The following ADAM22 variants were observed in gnomAD, a reference collection of about 807,000 sequenced individuals.
The protein encoded by ADAM22 is ADAM metallopeptidase domain 22.
Under a neutral mutation model 144.6 loss-of-function variants are expected in ADAM22, and 65 were observed. The observed-to-expected ratio is 0.45, with a 90% CI of 0.37 to 0.55. The LOEUF (loss-of-function observed/expected upper bound fraction) is 0.55, where lower values mean the gene tolerates loss of function less well. ADAM22 is among the 20% of genes least tolerant of loss of function. The pLI is 0.00. For missense variants in ADAM22, 974 were observed against 1,184.9 expected, an observed-to-expected ratio of 0.82 and a Z score of 2.61; for synonymous variants, 391 against 412.6, an observed-to-expected ratio of 0.95 and a Z score of 0.63.
At chr7:88,101,628 G>C (rs1327292626) in intron 4 of ADAM22, among the ~76,000 whole-genome samples, 1 of 152,094 alleles carries the variant, frequency 6.6e-6, no homozygotes, top group Non-Finnish European at 1.5e-5. Context: ...GCCCTTCCTT[G>C]ATATTCTTAT....
chr7:88,094,798 T>C (rs1820821761), intron 4 of ADAM22, among the ~76,000 whole-genome samples: 1 of 152,152 alleles, frequency 6.6e-6, no homozygotes, highest in African/African-American at 2.4e-5. Flanking sequence ...CTTCTTGAAT[T>C]GTGTTAACAA....
intron 30 of ADAM22, among the ~76,000 whole-genome samples, chr7:88,190,477 G>A (rs1849376495): frequency 6.6e-6 from 1 of 152,094 alleles, no homozygotes; most frequent in African/African-American, 2.4e-5. Context: ...AGAGGCTGTG[G>A]TGAGCTGAGA....
chr7:88,165,754 A>T, intron 23 of ADAM22, 78 bp from the exon 24 acceptor site: 1 of 953,806 alleles, frequency 1.0e-6, no homozygotes, highest in East Asian at 2.7e-5. Context: ...AGCATATAAT[A>T]ATAAGAAATT....
chr7:88,107,198 CTTT>C (rs561936408), intron 4 of ADAM22, among the ~76,000 whole-genome samples: 18 of 76,578 alleles, frequency 2.4e-4, no homozygotes, highest in African/African-American at 9.0e-4. Flanking sequence ...GATTGAATTT[CTTT>C]TTTTTTTTTT....
intron 4 of ADAM22, among the ~76,000 whole-genome samples, chr7:88,077,711 C>T (rs1218631777): frequency 6.6e-6 from 1 of 152,208 alleles, no homozygotes. Context: ...ACACCTGGCT[C>T]AGAGGGTCCT....
At chr7:88,151,056 GT>G (rs1838202640) in intron 19 of ADAM22, 25 bp downstream of exon 19, 1 of 1,605,616 alleles carries the variant, frequency 6.2e-7, no homozygotes, top group African/African-American at 1.3e-5. Context: ...TTTTACCTAT[GT>G]TTTTCACATG....
chr7:88,126,883 G>A (rs558263746), intron 8 of ADAM22, among the ~76,000 whole-genome samples: 1 of 151,998 alleles, frequency 6.6e-6, no homozygotes, highest in South Asian at 2.1e-4. Flanking sequence ...TTGAGCATAA[G>A]AGGATCAAGA....
rs1404080701 is a variant in ADAM22 at position 88,196,298 on chromosome 7, CAGAG to C, written c.2875-170_2875-167del. The stretch of plus-strand genomic sequence containing the variant: ...GGTTGAGACACAGGTTTTGAGGAAA[CAGAG>C]AGCTAAAAGTTGGAGTGTTTATTCT... On this transcript the variant is annotated intron_variant, in intron 31 of 31. Coordinates refer to ENST00000413139, the MANE Select transcript of ADAM22 (RefSeq NM_001324418.2). Among the ~76,000 whole-genome samples the C allele has an allele frequency of 3.3e-5, 5 of 152,128 alleles. 1 individual carries two copies. Among genetic ancestry groups the C allele is most frequent in the Admixed American group, 6.5e-5 (1 of 15,278 alleles).
chr7:88,066,858 C>A (rs1045789585), intron 3 of ADAM22, among the ~76,000 whole-genome samples: 2 of 152,044 alleles, frequency 1.3e-5, no homozygotes, highest in African/African-American at 4.8e-5. Context: ...GCTTATACAT[C>A]AAGTAAGATT....
chr7:88,143,450 T>A (rs1170739237), intron 15 of ADAM22, among the ~76,000 whole-genome samples: 1 of 152,220 alleles, frequency 6.6e-6, no homozygotes, highest in Non-Finnish European at 1.5e-5. Context: ...TCTTGATGTT[T>A]ATTTTTTTTG....
In ADAM22 at chr7:88,013,510, A is replaced by G. The variant is rs574000550; in HGVS notation, c.323+35098A>G. Among the ~76,000 whole-genome samples the G allele has an allele frequency of 2.6e-5, 4 of 152,274 alleles. No homozygotes were observed. In the South Asian group the frequency reaches 6.2e-4, roughly 24 times the overall value. Reference sequence around the variant, plus strand: ...TACAGTCATAGCTAACTGCAGCCTCAAAGTCCTGGGCTCAAGGGATCTTCC... The same window carrying G: ...TACAGTCATAGCTAACTGCAGCCTCGAAGTCCTGGGCTCAAGGGATCTTCC... On this transcript the variant is annotated intron_variant, in intron 3 of 31. Transcript: ENST00000413139.
At chr7:88,147,507 G>A (rs899529414) in intron 17 of ADAM22, among the ~76,000 whole-genome samples, 1 of 152,164 alleles carries the variant, frequency 6.6e-6, no homozygotes, top group Non-Finnish European at 1.5e-5. Context: ...AGAAACAAAT[G>A]GGCATAGCTG....
At chr7:88,049,263 T>A (rs185255052) in intron 3 of ADAM22, among the ~76,000 whole-genome samples, 8 of 152,370 alleles carry the variant, frequency 5.3e-5, no homozygotes, top group African/African-American at 1.9e-4. Flanking sequence ...TTAGAATATT[T>A]CTTATCTCAA....
rs778262900 is a variant in ADAM22 at position 88,116,789 on chromosome 7, A to T, written c.582A>T (p.Glu194Asp). 1.9e-6 allele frequency: 3 copies of T among 1,613,362 alleles called. No individual in the cohort carries two copies. The highest frequency in any genetic ancestry group is 1.7e-4 in the Middle Eastern group (1 of 6,044). The change falls in exon 7 of 32, where the codon GAA becomes GAT. Residue 194 changes from glutamate (E) to aspartate (D), a missense_variant. This residue lies in a region of ADAM22 where 734 missense variants were observed against 950.6 expected (regional missense o/e 0.77). Coordinates refer to ENST00000413139, the MANE Select transcript of ADAM22 (RefSeq NM_001324418.2). ...FHSVYKSRLF[E>D]FSLDDLPSEF... ...CAGTTTACAAATCCAGACTGTTTGA[A>T]TTTTCCTTGGATGATCTTCCATCTG...
intron 5 of ADAM22, among the ~76,000 whole-genome samples, chr7:88,109,480 T>G (rs560001940): frequency 1.8e-3 from 280 of 152,292 alleles, no homozygotes; most frequent in Non-Finnish European, 3.4e-3. Flanking sequence ...CACAGAACAA[T>G]CCAGCACTTT....
At chr7:88,024,797 C>T (rs1798630917) in intron 3 of ADAM22, among the ~76,000 whole-genome samples, 1 of 150,044 alleles carries the variant, frequency 6.7e-6, no homozygotes. Context: ...CGAGAACATG[C>T]AGTGTTTGGT....
intron 3 of ADAM22, among the ~76,000 whole-genome samples, chr7:88,046,250 A>C (rs897732243): frequency 3.9e-5 from 6 of 152,084 alleles, no homozygotes; most frequent in African/African-American, 1.4e-4. Flanking sequence ...TTATTTTTTG[A>C]TAAAAGCCAT....
In ADAM22 at chr7:88,145,536, GA is replaced by G. The variant is rs761976926; in HGVS notation, c.1485+36del. 20 of 1,531,688 alleles carry G rather than the reference GA, an allele frequency of 1.3e-5. No individual in the cohort carries two copies. In the African/African-American group the frequency reaches 1.7e-4, roughly 13 times the overall value. The allele number at this position is 1,531,688 out of a possible 1,614,324, so 94.9% of individuals were successfully genotyped here. A position where few individuals can be genotyped will look rare whatever the true frequency, so the allele number is the denominator to read the frequency against. On this transcript the variant is annotated intron_variant, in intron 17 of 31. Coordinates refer to ENST00000413139, the MANE Select transcript of ADAM22 (RefSeq NM_001324418.2). ...AATAAACATTAATGACCATTTGACA[GA>G]AAAAAAGGACATACTTGATTAAATC...
Position 88,010,376 on chromosome 7 carries a change from C to T in ADAM22, c.323+31964C>T, listed in dbSNP as rs572096864. Among the ~76,000 whole-genome samples the T allele has an allele frequency of 1.2e-4, 19 of 152,204 alleles. No homozygotes were observed. The South Asian group carries it at 3.1e-3, about 25-fold the overall frequency. Reference sequence around the variant, plus strand: ...CTTTGGTAGAAAGAATTTACTGGCTCGGGTAACAAACCACTGGAAGGTAAG... The same window carrying T: ...CTTTGGTAGAAAGAATTTACTGGCTTGGGTAACAAACCACTGGAAGGTAAG... On this transcript the variant is annotated intron_variant, in intron 3 of 31. Transcript: ENST00000413139.
Sources: allele counts gnomAD v4.1 joint callset (sites outside exome capture counted in the v4.1 genomes callset), GRCh38; gene constraint gnomAD v4.1.1; regional missense constraint gnomAD v4.1.1; transcripts MANE v1.5; gene names NCBI Gene and HGNC (gene_info 2026-07-23, HGNC 2026-07-21).